Variants in VWA3A observed in about 807,000 individuals in gnomAD.
VWA3A encodes von Willebrand factor A domain containing 3A, also known as von Willebrand factor A domain-containing protein 3A.
In VWA3A, 134 loss-of-function variants were observed where a neutral mutation model predicts 160.4. That is an observed-to-expected ratio of 0.84 (90% CI 0.73 to 0.96). The LOEUF (loss-of-function observed/expected upper bound fraction) is 0.96, where lower values mean the gene tolerates loss of function less well. VWA3A is among the 40% of genes least tolerant of loss of function. The probability of loss-of-function intolerance (pLI) is 0.00; values close to 1 mark genes in which losing one functional copy is unlikely to be tolerated. For missense variants in VWA3A, 1,310 were observed against 1,447.9 expected (o/e 0.90, Z 1.55); for synonymous variants, 476 against 543.4 (o/e 0.88, Z 1.72).
intron 9 of VWA3A, among the ~76,000 whole-genome samples, 155 bp downstream of exon 9, chr16:22,115,627 T>A (rs1205157791): frequency 6.7e-6 from 1 of 150,222 alleles, no homozygotes; most frequent in Non-Finnish European, 1.5e-5. Flanking sequence ...AAGCCAGGAG[T>A]TTGTGACCAG....
At chr16:22,096,838 T>C in intron 1 of VWA3A, 21 bp from the exon 2 acceptor site, 1 of 1,459,960 alleles carries the variant, frequency 6.8e-7, no homozygotes, top group Non-Finnish European at 9.4e-7. Flanking sequence ...TCCTGTTTTC[T>C]GGTATTCTTT....
rs1336485610 is a variant in VWA3A, at chr16:22,109,542, A to G, written c.544A>G (p.Ser182Gly). 3.1e-6 allele frequency: 5 copies of G among 1,613,576 alleles called. No homozygotes were observed. Among genetic ancestry groups the G allele is most frequent in the Non-Finnish European group, 4.2e-6 (5 of 1,179,844 alleles). The change falls in exon 7 of 34, where the codon AGT (serine) becomes GGT (glycine). Residue 182 changes from serine to glycine, a missense_variant. Ser to Gly is a moderately conservative substitution (Grantham distance 56). Coordinates refer to ENST00000389398, the MANE Select transcript of VWA3A (RefSeq NM_173615.5). ...SILIDVSAISSGPQKEEFQKD... is the reference protein window; with the variant it reads ...SILIDVSAISGGPQKEEFQKD... ...CCTCATAGATGTGTCAGCCATCAGC[A>G]GTGGCCCTCAGAAAGAAGAGTTCCA...
chr16:22,147,581 C>G (rs994201632), intron 27 of VWA3A: 1 of 703,252 alleles, frequency 1.4e-6, no homozygotes, highest in East Asian at 2.7e-5. Context: ...GTCCAGTCCT[C>G]TGCAGTAGGA....
chr16:22,108,270 T>C (rs76008849), intron 6 of VWA3A, among the ~76,000 whole-genome samples: 1 of 152,170 alleles, frequency 6.6e-6, no homozygotes, highest in Non-Finnish European at 1.5e-5. Context: ...ATAACCTGTT[T>C]GTATGGTGAT....
rs1291001075 is a variant in VWA3A at position 22,156,201 on chromosome 16, T to C, written c.*184T>C. The C allele has an allele frequency of 3.1e-5, 14 of 444,652 alleles. No homozygotes were observed. The highest frequency in any genetic ancestry group is 4.1e-6 in the Non-Finnish European group (1 of 245,810). 27.5% of individuals were successfully genotyped at this position (444,652 alleles called of 1,614,324 possible). A position where few individuals can be genotyped will look rare whatever the true frequency, so the allele number is the denominator to read the frequency against. The stretch of plus-strand genomic sequence containing the variant: ...GTGAGGGGCCATTCCCGGGTCTTAA[T>C]CTAACTCTCCAGCCCTGTCCCGCAG... On this transcript the variant is annotated 3_prime_UTR_variant, in exon 34 of 34. Transcript: ENST00000389398.
chr16:22,100,787 G>C (rs2045396420), intron 5 of VWA3A, among the ~76,000 whole-genome samples: 1 of 150,100 alleles, frequency 6.7e-6, no homozygotes, highest in Admixed American at 6.6e-5. Context: ...GTTCCAGTGA[G>C]CTAAGAACAC....
chr16:22,114,409 C>G (rs1370819544), intron 8 of VWA3A, among the ~76,000 whole-genome samples: 2 of 152,166 alleles, frequency 1.3e-5, no homozygotes, highest in Non-Finnish European at 2.9e-5. Flanking sequence ...TAACTCCATG[C>G]CTCCTGTTGA....
intron 30 of VWA3A, among the ~76,000 whole-genome samples, chr16:22,151,357 A>G (rs1261057925): frequency 6.6e-6 from 1 of 152,130 alleles, no homozygotes; most frequent in Non-Finnish European, 1.5e-5. Context: ...GTCACACCAC[A>G]GGGTGAAAAC....
intron 6 of VWA3A, among the ~76,000 whole-genome samples, chr16:22,105,518 C>T (rs1315394620): frequency 2.0e-5 from 3 of 152,236 alleles, no homozygotes; most frequent in Non-Finnish European, 4.4e-5. Flanking sequence ...TAGTGGCATG[C>T]AGGCCAAATC....
At position 22,109,341 on chromosome 16, in the gene VWA3A, C is replaced by G. The variant is rs2045522423; in HGVS notation, c.484-141C>G. 9 of 683,484 alleles carry G rather than the reference C, an allele frequency of 1.3e-5. No homozygotes were observed. The South Asian group carries it at 1.6e-4, about 12-fold the overall frequency. 42.3% of individuals were successfully genotyped at this position (683,484 alleles called of 1,614,324 possible). A position where few individuals can be genotyped will look rare whatever the true frequency, so the allele number is the denominator to read the frequency against. On this transcript the variant is annotated intron_variant, in intron 6 of 33. Transcript: ENST00000389398. ...GTCATGACATTGGGTTTTGCTTTTC[C>G]CTTATAAAATGAGGTTTCCATCTGC... is the stretch of plus-strand genomic sequence containing the variant.
chr16:22,116,257 A>G, intron 9 of VWA3A: 1 of 411,618 alleles, frequency 2.4e-6, no homozygotes, highest in Admixed American at 3.3e-5. Context: ...AAGATGGAAG[A>G]GAGAGAAAGA....
chr16:22,136,497 G>T (rs985328484), intron 21 of VWA3A, among the ~76,000 whole-genome samples: 1 of 152,066 alleles, frequency 6.6e-6, no homozygotes, highest in South Asian at 2.1e-4. Context: ...CCACAGTGAC[G>T]GACAGAGGGC....
At chr16:22,154,237 A>G (rs2046396942) in intron 31 of VWA3A, among the ~76,000 whole-genome samples, 2 of 150,964 alleles carry the variant, frequency 1.3e-5, no homozygotes, top group Admixed American at 6.6e-5. Context: ...ATCCAATCAG[A>G]TTCTCTGAAT....
chr16:22,107,183 A>G (rs902054162), intron 6 of VWA3A, among the ~76,000 whole-genome samples: 2 of 152,236 alleles, frequency 1.3e-5, no homozygotes, highest in South Asian at 2.1e-4. Context: ...GAGAGTGATC[A>G]AAGAACAGTG....
intron 3 of VWA3A, 62 bp downstream of exon 3, chr16:22,097,757 G>A (rs1018025041): frequency 6.5e-7 from 1 of 1,535,770 alleles, no homozygotes; most frequent in Non-Finnish European, 8.8e-7. Context: ...AATGCACAGT[G>A]TGTTAAATTC....
Position 22,097,617 on chromosome 16 carries a change from G to A in VWA3A, c.147G>A (p.Gln49=), listed in dbSNP as rs2045346469. The part of the protein sequence containing the change: ...TGRDSKKPLK[Q]KNMNGLGQNS... ...GAGATTCAAAGAAGCCACTAAAGCA[G>A]AAGAATATGAATGGACTTGGGCAAA... The change falls in exon 3 of 34, where the codon CAG becomes CAA. Residue 49 remains glutamine (Q), a synonymous_variant. Transcript: ENST00000389398. 6.4e-7 allele frequency: 1 copy of A among 1,551,856 alleles called. No homozygotes were observed. The highest frequency in any genetic ancestry group is 1.4e-5 in the African/African-American group (1 of 73,170).
rs2046445804 is a variant in VWA3A at position 22,156,640 on chromosome 16, G to A, written c.*623G>A. Reference sequence around the variant, plus strand: ...CAGGCGGCTGAGCTGTGAGAGCCTAGCTCTGGAAAGCAGCTGATGGGGTGG... The same window carrying A: ...CAGGCGGCTGAGCTGTGAGAGCCTAACTCTGGAAAGCAGCTGATGGGGTGG... On this transcript the variant is annotated 3_prime_UTR_variant, in exon 34 of 34. Coordinates refer to ENST00000389398, the MANE Select transcript of VWA3A (RefSeq NM_173615.5). 1 of 152,190 alleles carries A rather than the reference G, an allele frequency of 6.6e-6. No homozygotes were observed. Among genetic ancestry groups the A allele is most frequent in the Non-Finnish European group, 1.5e-5 (1 of 68,070 alleles). 9.4% of individuals were successfully genotyped at this position (152,190 alleles called of 1,614,324 possible).
intron 9 of VWA3A, 106 bp downstream of exon 9, chr16:22,115,578 TC>T: frequency 7.7e-7 from 1 of 1,294,742 alleles, no homozygotes. Context: ...ATGCCTGTAA[TC>T]CCAGCACTTT....
At chr16:22,153,961 ACTCCTAGGATTAAGTAATC>A (rs965922131) in intron 31 of VWA3A, among the ~76,000 whole-genome samples, 1 of 151,266 alleles carries the variant, frequency 6.6e-6, no homozygotes, top group African/African-American at 2.4e-5. Context: ...CTGATCTCAA[ACTCCTAGGATTAAGTAATC>A]CTCCCGCCTG....
Sources: allele counts gnomAD v4.1 joint callset (sites outside exome capture counted in the v4.1 genomes callset), GRCh38; gene constraint gnomAD v4.1.1; transcripts MANE v1.5; gene names NCBI Gene and HGNC (gene_info 2026-07-23, HGNC 2026-07-21).